The following CDH18 variants were observed in gnomAD, a reference collection of about 807,000 sequenced individuals.
The protein encoded by CDH18 is cadherin-18.
In CDH18, 31 loss-of-function variants were observed where a neutral mutation model predicts 67.9. The observed-to-expected ratio is 0.46, with a 90% confidence interval of 0.34 to 0.62. The LOEUF (loss-of-function observed/expected upper bound fraction) is 0.62. Among genes scored for constraint, CDH18 ranks in the 20% least tolerant of loss-of-function variants. CDH18 has a pLI of 0.01. For missense variants in CDH18, 890 were observed against 975.5 expected (o/e 0.91, Z 1.17); for synonymous variants, 362 against 347.2 (o/e 1.04, Z -0.48).
At chr5:20,176,294 T>G (rs1348597250) in intron 2 of CDH18, among the ~76,000 whole-genome samples, 1 of 152,186 alleles carries the variant, frequency 6.6e-6, no homozygotes, top group East Asian at 1.9e-4. Flanking sequence ...CTAACCAATA[T>G]GACTAGTTTT....
At chr5:19,524,961 G>A (rs1747522527) in intron 9 of CDH18, among the ~76,000 whole-genome samples, 1 of 152,048 alleles carries the variant, frequency 6.6e-6, no homozygotes, top group Non-Finnish European at 1.5e-5. Flanking sequence ...TAGACAAGAT[G>A]GTCTCCATCT....
At chr5:19,999,457 C>T (rs1736268571) in intron 2 of CDH18, among the ~76,000 whole-genome samples, 1 of 152,070 alleles carries the variant, frequency 6.6e-6, no homozygotes. Flanking sequence ...ACAAGATTAG[C>T]CGGGCATGGT....
intron 2 of CDH18, among the ~76,000 whole-genome samples, chr5:19,946,807 T>G (rs547726849): frequency 6.6e-6 from 1 of 152,264 alleles, no homozygotes; most frequent in East Asian, 1.9e-4. Context: ...AATAACATAC[T>G]GATCTGTCTC....
intron 2 of CDH18, among the ~76,000 whole-genome samples, chr5:20,201,462 G>A (rs1739439118): frequency 6.6e-6 from 1 of 152,010 alleles, no homozygotes; most frequent in African/African-American, 2.4e-5. Flanking sequence ...TGCAATATGA[G>A]CATGGGGTAT....
intron 2 of CDH18, among the ~76,000 whole-genome samples, chr5:19,887,457 T>C (rs1225807560): frequency 5.3e-5 from 8 of 152,154 alleles, no homozygotes; most frequent in Non-Finnish European, 1.5e-5. Context: ...TCTTTAATAG[T>C]GATTTACGTT....
chr5:20,122,829 CATATAT>C lies in CDH18; in HGVS notation c.-517-130821_-517-130816del, dbSNP rs929477856. 2.1e-5 allele frequency among the ~76,000 whole-genome samples: 3 copies of C among 143,808 alleles called. No homozygotes were observed. The Admixed American group carries it at 2.1e-4, about 10-fold the overall frequency. 94.3% of individuals were successfully genotyped at this position (143,808 alleles called of 152,430 possible). A position where few individuals can be genotyped will look rare whatever the true frequency, so the allele number is the denominator to read the frequency against. On this transcript the variant is annotated intron_variant, in intron 2 of 14. Transcript: ENST00000507958. ...TACAAAGTATATATATATATATATA[CATATAT>C]ATATATTCCCTATATAACATGTCTG...
intron 3 of CDH18, among the ~76,000 whole-genome samples, chr5:19,834,165 T>TTA (rs1781361911): frequency 6.6e-6 from 1 of 151,326 alleles, no homozygotes. Context: ...TTTTTTTTTT[T>TTA]TTATTGGTAG....
At chr5:20,197,943 A>C (rs572433640) in intron 2 of CDH18, among the ~76,000 whole-genome samples, 1 of 152,062 alleles carries the variant, frequency 6.6e-6, no homozygotes, top group Non-Finnish European at 1.5e-5. Flanking sequence ...GGTTTCCCCT[A>C]TGCTGCTTTT....
At chr5:20,284,719 C>CT (rs1746551770) in intron 1 of CDH18, among the ~76,000 whole-genome samples, 1 of 151,960 alleles carries the variant, frequency 6.6e-6, no homozygotes, top group East Asian at 1.9e-4. Flanking sequence ...CAAGGGAATT[C>CT]TTTTTTTAAA....
intron 1 of CDH18, among the ~76,000 whole-genome samples, chr5:20,375,779 T>A (rs1290096933): frequency 6.6e-6 from 1 of 152,122 alleles, no homozygotes; most frequent in African/African-American, 2.4e-5. Context: ...GTCTAGATGA[T>A]TTAAGGTTTC....
intron 2 of CDH18, among the ~76,000 whole-genome samples, chr5:20,160,604 G>T (rs978957578): frequency 6.6e-6 from 1 of 151,896 alleles, no homozygotes; most frequent in Non-Finnish European, 1.5e-5. Context: ...ATCAAATTTG[G>T]ATTTTATCTT....
At chr5:20,368,453 T>C (rs545256227) in intron 1 of CDH18, among the ~76,000 whole-genome samples, 35 of 152,256 alleles carry the variant, frequency 2.3e-4, no homozygotes, top group African/African-American at 7.9e-4. Context: ...AATTCCATAG[T>C]ACACAATGCA....
chr5:20,190,965 G>C (rs951164833), intron 2 of CDH18, among the ~76,000 whole-genome samples: 1 of 152,080 alleles, frequency 6.6e-6, no homozygotes, highest in Non-Finnish European at 1.5e-5. Context: ...AGCACCATAT[G>C]TCTACCTTTG....
chr5:19,967,450 T>C (rs1392936863), intron 2 of CDH18, among the ~76,000 whole-genome samples: 1 of 152,078 alleles, frequency 6.6e-6, no homozygotes, highest in Non-Finnish European at 1.5e-5. Context: ...AATCATAAAA[T>C]TTTCATTCTT....
At chr5:20,256,395 A>G (rs915657569) in intron 1 of CDH18, among the ~76,000 whole-genome samples, 1 of 152,074 alleles carries the variant, frequency 6.6e-6, no homozygotes, top group Non-Finnish European at 1.5e-5. Context: ...TACGATTTCT[A>G]TTTCCTAAAA....
At chr5:20,059,521 T>C (rs1300752254) in intron 2 of CDH18, among the ~76,000 whole-genome samples, 1 of 152,232 alleles carries the variant, frequency 6.6e-6, no homozygotes, top group South Asian at 2.1e-4. Context: ...TTCTGTTACA[T>C]TGTGTCTTTG....
intron 2 of CDH18, among the ~76,000 whole-genome samples, chr5:20,067,306 T>G (rs1447012507): frequency 1.3e-5 from 2 of 151,314 alleles, no homozygotes; most frequent in African/African-American, 4.9e-5. Context: ...CAATGCTATA[T>G]CTAACTAAAT....
rs80006444 is a variant in CDH18, at chr5:20,114,607, A to C, written c.-517-122593T>G. 1.9e-3 allele frequency among the ~76,000 whole-genome samples: 293 copies of C among 152,260 alleles called. 5 individuals are homozygous for C. The East Asian group carries it at 0.032, about 16-fold the overall frequency. The stretch of plus-strand genomic sequence containing the variant: ...GAGTCATAAGTTTGCTAGGAGTGGA[A>C]GAAAAAAATCATTTTAATAGGTGAA... On this transcript the variant is annotated intron_variant, in intron 2 of 14. Coordinates refer to the CDH18 transcript ENST00000507958.
chr5:20,068,100 C>T (rs78965268), intron 2 of CDH18, among the ~76,000 whole-genome samples: 5,350 of 152,116 alleles, frequency 0.035, 314 homozygotes, highest in African/African-American at 0.12. Context: ...GTTCTTCCTT[C>T]CATTCACTTG....
Sources: allele counts gnomAD v4.1 joint callset (sites outside exome capture counted in the v4.1 genomes callset), GRCh38; gene constraint gnomAD v4.1.1; transcripts MANE v1.5; gene names NCBI Gene and HGNC (gene_info 2026-07-23, HGNC 2026-07-21).